The following CNTNAP5 variants were observed in gnomAD, a reference collection of about 807,000 sequenced individuals.
CNTNAP5 encodes the protein contactin-associated protein-like 5.
In CNTNAP5, 72 loss-of-function variants were observed where a neutral mutation model predicts 150.2. The ratio of observed to expected loss-of-function variants is 0.48; its 90% CI spans 0.40 to 0.58. The LOEUF is 0.58. CNTNAP5 is among the 20% of genes least tolerant of loss of function. The pLI is 0.00. For missense variants in CNTNAP5, 1,636 were observed against 1,626.2 expected, an observed-to-expected ratio of 1.01 and a Z score of -0.10; for synonymous variants, 672 against 619.8, an observed-to-expected ratio of 1.08 and a Z score of -1.25.
chr2:124,735,740 T>C (rs938623056), intron 13 of CNTNAP5, among the ~76,000 whole-genome samples: 16 of 152,330 alleles, frequency 1.1e-4, no homozygotes, highest in African/African-American at 3.6e-4. Context: ...TTTTATTTTC[T>C]GTGTGATTTT....
chr2:124,386,832 T>C (rs997365102), intron 3 of CNTNAP5, among the ~76,000 whole-genome samples: 2 of 152,192 alleles, frequency 1.3e-5, no homozygotes, highest in African/African-American at 4.8e-5. Context: ...CCCAGAATTT[T>C]TATGTTGAAA....
chr2:124,899,153 T>C (rs927616577), intron 21 of CNTNAP5, among the ~76,000 whole-genome samples: 2 of 151,434 alleles, frequency 1.3e-5, no homozygotes, highest in African/African-American at 4.9e-5. Context: ...AATATAAATA[T>C]ATACAAAAAC....
chr2:124,062,643 G>T (rs1010598603), intron 1 of CNTNAP5, among the ~76,000 whole-genome samples: 2 of 152,178 alleles, frequency 1.3e-5, no homozygotes, highest in African/African-American at 4.8e-5. Flanking sequence ...CACAGTGAAA[G>T]AACTCTTATG....
In CNTNAP5 at chr2:124,413,207, C is replaced by T. The variant is rs1375773298; in HGVS notation, c.382-4236C>T. On this transcript the variant is annotated intron_variant, in intron 3 of 23. Coordinates refer to ENST00000682447, the MANE Select transcript of CNTNAP5 (RefSeq NM_001367498.1). ...TACCATCTCACACCAGTTAGAATGG[C>T]GTTCATTAAAAAGTCAGGAAACAAC... 7.7e-5 allele frequency among the ~76,000 whole-genome samples: 11 copies of T among 142,232 alleles called. No individual in the cohort carries two copies. In the East Asian group the frequency reaches 1.4e-3, roughly 18 times the overall value. 93.3% of individuals were successfully genotyped at this position (142,232 alleles called of 152,430 possible).
intron 13 of CNTNAP5, among the ~76,000 whole-genome samples, chr2:124,721,529 A>ATTT (rs1204307221): frequency 6.6e-6 from 1 of 151,572 alleles, no homozygotes; most frequent in Non-Finnish European, 1.5e-5. Context: ...AAATATTAAA[A>ATTT]AAACAAAAAA....
In CNTNAP5 at chr2:124,379,622, G is replaced by GCAAGTTT. The variant is rs201357666; in HGVS notation, c.382-37820_382-37814dup. Among the ~76,000 whole-genome samples, 1,123 of 152,224 alleles carry GCAAGTTT rather than the reference G, an allele frequency of 7.4e-3. 7 individuals are homozygous for GCAAGTTT. The highest frequency in any genetic ancestry group is 0.033 in the East Asian group (172 of 5,150). On this transcript the variant is annotated intron_variant, in intron 3 of 23. Transcript: ENST00000682447. ...ATAAAGCTTCTATAAATAACTGTGTGCAAGTTTTTTGTGTGGACATGAGTT... is the reference window on the plus strand; with the variant it reads ...ATAAAGCTTCTATAAATAACTGTGTGCAAGTTTCAAGTTTTTTGTGTGGACATGAGTT...
intron 1 of CNTNAP5, among the ~76,000 whole-genome samples, chr2:124,172,220 T>A (rs1236210499): frequency 6.6e-6 from 1 of 152,216 alleles, no homozygotes; most frequent in Non-Finnish European, 1.5e-5. Flanking sequence ...GTATAAGTCA[T>A]TGTTAAATAA....
intron 3 of CNTNAP5, among the ~76,000 whole-genome samples, chr2:124,312,669 C>T (rs896757176): frequency 2.6e-5 from 4 of 152,252 alleles, no homozygotes; most frequent in Admixed American, 6.5e-5. Flanking sequence ...CTCCTGGGTT[C>T]GCACCATTCT....
chr2:124,056,898 G>A (rs537014607), intron 1 of CNTNAP5, among the ~76,000 whole-genome samples: 9 of 152,168 alleles, frequency 5.9e-5, no homozygotes, highest in Middle Eastern at 3.4e-3. Context: ...TGCTTTTCTG[G>A]TTACCCATTC....
intron 11 of CNTNAP5, among the ~76,000 whole-genome samples, chr2:124,567,891 A>T (rs114357515): frequency 0.015 from 2,249 of 151,860 alleles, 53 homozygotes; most frequent in African/African-American, 0.052. Context: ...ATATAGATAG[A>T]TAGATACCAT....
At chr2:124,864,052 C>T (rs1271774996) in intron 19 of CNTNAP5, among the ~76,000 whole-genome samples, 2 of 152,110 alleles carry the variant, frequency 1.3e-5, no homozygotes, top group African/African-American at 4.8e-5. Flanking sequence ...GGACAGCAAG[C>T]AGCATGCAGT....
At chr2:124,148,493 G>GGA (rs1161323305) in intron 1 of CNTNAP5, among the ~76,000 whole-genome samples, 1 of 143,828 alleles carries the variant, frequency 7.0e-6, no homozygotes, top group African/African-American at 2.5e-5. Context: ...ATGCATCTAT[G>GGA]GAGAGAGAGG....
At chr2:124,601,032 TA>T (rs1289108142) in intron 11 of CNTNAP5, among the ~76,000 whole-genome samples, 2 of 152,136 alleles carry the variant, frequency 1.3e-5, no homozygotes, top group Non-Finnish European at 2.9e-5. Context: ...TACATCTGTG[TA>T]AGAAGTAGTT....
rs188391492 is a variant in CNTNAP5, at chr2:124,491,523, T to C, written c.1063-12769T>C. ...AGGGACACTAAGGTAGTCTCATGTT[T>C]TGGCTATTGTAGATAATGCTGCAAT... On this transcript the variant is annotated intron_variant, in intron 7 of 23. Transcript: ENST00000682447. Among the ~76,000 whole-genome samples, 17 of 152,252 alleles carry C rather than the reference T, an allele frequency of 1.1e-4. No individual in the cohort carries two copies. The East Asian group carries it at 1.5e-3, about 14-fold the overall frequency.
At chr2:124,762,559 A>C (rs1362213450) in intron 14 of CNTNAP5, among the ~76,000 whole-genome samples, 1 of 152,138 alleles carries the variant, frequency 6.6e-6, no homozygotes, top group African/African-American at 2.4e-5. Context: ...AAGTGACTAC[A>C]TAATCTCTTT....
intron 4 of CNTNAP5, among the ~76,000 whole-genome samples, chr2:124,419,151 A>AAAAAAAAAAAAAAAAC (rs1324145179): frequency 9.9e-5 from 14 of 141,554 alleles, no homozygotes; most frequent in Non-Finnish European, 1.8e-4. Context: ...AAAAAAAAAA[A>AAAAAAAAAAAAAAAAC]AAAAAAAAAA....
At chr2:124,424,306 C>A (rs1457373599) in intron 4 of CNTNAP5, among the ~76,000 whole-genome samples, 5 of 152,176 alleles carry the variant, frequency 3.3e-5, no homozygotes, top group African/African-American at 1.2e-4. Context: ...GCCCATACAG[C>A]CCTATCACAG....
chr2:124,094,942 T>G (rs932961319), intron 1 of CNTNAP5, among the ~76,000 whole-genome samples: 1 of 152,220 alleles, frequency 6.6e-6, no homozygotes, highest in Non-Finnish European at 1.5e-5. Context: ...TGGTGGGCAC[T>G]GCTGCCCTCA....
At position 124,258,436 on chromosome 2, in the gene CNTNAP5, G is replaced by A. The variant is rs150271911; in HGVS notation, c.381+16043G>A. ...GATTGTGAATATGTCGTATAAATGG[G>A]TTATGAGGATGCATTTGGGTAAAAG... On this transcript the variant is annotated intron_variant, in intron 3 of 23. Transcript: ENST00000682447. 6.5e-3 allele frequency among the ~76,000 whole-genome samples: 994 copies of A among 152,296 alleles called. 14 individuals carry two copies. The highest frequency in any genetic ancestry group is 0.023 in the African/African-American group (947 of 41,566).
Sources: allele counts gnomAD v4.1 joint callset (sites outside exome capture counted in the v4.1 genomes callset), GRCh38; gene constraint gnomAD v4.1.1; transcripts MANE v1.5; gene names NCBI Gene and HGNC (gene_info 2026-07-23, HGNC 2026-07-21).